ADGRL2: variants seen among roughly 807,000 people sequenced by gnomAD.
ADGRL2 encodes calcium-independent alpha-latrotoxin receptor 2.
Under a neutral mutation model 157.4 loss-of-function variants are expected in ADGRL2, and 44 were observed. That is an observed-to-expected ratio of 0.28 (90% CI 0.22 to 0.36). The LOEUF (loss-of-function observed/expected upper bound fraction) is 0.36. ADGRL2 is among the 10% of genes least tolerant of loss of function. The pLI, the probability that ADGRL2 is intolerant of heterozygous loss-of-function variation, is 1.00. For missense variants in ADGRL2, 1,510 were observed against 1,768.9 expected, an observed-to-expected ratio of 0.85 and a Z score of 2.63; for synonymous variants, 585 against 624.7, an observed-to-expected ratio of 0.94 and a Z score of 0.95.
At chr1:81,533,803 T>A (rs2079664429) in intron 2 of ADGRL2, among the ~76,000 whole-genome samples, 1 of 152,172 alleles carries the variant, frequency 6.6e-6, no homozygotes, top group African/African-American at 2.4e-5. Flanking sequence ...ACCCACACCC[T>A]CACACTAGGA....
intron 1 of ADGRL2, among the ~76,000 whole-genome samples, chr1:81,743,339 T>C (rs1571033479): frequency 6.7e-6 from 1 of 148,760 alleles, no homozygotes; most frequent in Non-Finnish European, 1.5e-5. Flanking sequence ...TTGGCATGTA[T>C]AAAAATAGGG....
chr1:81,610,916 T>A (rs1371212981), intron 3 of ADGRL2, among the ~76,000 whole-genome samples: 1 of 152,198 alleles, frequency 6.6e-6, no homozygotes, highest in African/African-American at 2.4e-5. Context: ...GGGAAATACA[T>A]ACTTTTGGTG....
chr1:81,587,061 G>C (rs4341398), intron 3 of ADGRL2, among the ~76,000 whole-genome samples: 109,155 of 151,736 alleles, frequency 0.72, 39,502 homozygotes, highest in African/African-American at 0.77. Flanking sequence ...GGAGCAAGGA[G>C]AGAACCAATC....
intron 2 of ADGRL2, among the ~76,000 whole-genome samples, chr1:81,456,550 C>G (rs915603113): frequency 2.0e-5 from 3 of 152,014 alleles, no homozygotes; most frequent in South Asian, 2.1e-4. Flanking sequence ...ACTTTTTATT[C>G]AAGTCATTAT....
At chr1:81,669,658 C>T (rs1473653425) in intron 3 of ADGRL2, among the ~76,000 whole-genome samples, 3 of 152,016 alleles carry the variant, frequency 2.0e-5, no homozygotes, top group African/African-American at 7.2e-5. Context: ...AAAGAGGACA[C>T]CTGGCTGGGT....
chr1:81,526,819 AT>A (rs2079469607), intron 2 of ADGRL2, among the ~76,000 whole-genome samples: 1 of 152,226 alleles, frequency 6.6e-6, no homozygotes, highest in African/African-American at 2.4e-5. Context: ...TAAATCAGAT[AT>A]TTTTGTCTGT....
intron 3 of ADGRL2, among the ~76,000 whole-genome samples, chr1:81,607,429 A>C (rs971319121): frequency 3.3e-5 from 5 of 152,180 alleles, no homozygotes; most frequent in Non-Finnish European, 5.9e-5. Flanking sequence ...TTACAATAGA[A>C]ATATCCAACC....
intron 3 of ADGRL2, among the ~76,000 whole-genome samples, chr1:81,598,143 G>A (rs1428100313): frequency 6.6e-6 from 1 of 152,170 alleles, no homozygotes; most frequent in African/African-American, 2.4e-5. Flanking sequence ...AGTCACAGAT[G>A]TTCAGAGTAA....
chr1:81,494,380 T>A (rs535443383), intron 2 of ADGRL2, among the ~76,000 whole-genome samples: 2 of 152,274 alleles, frequency 1.3e-5, no homozygotes, highest in African/African-American at 4.8e-5. Flanking sequence ...ATGAACAGTT[T>A]ATCTTGGAAT....
intron 17 of ADGRL2, among the ~76,000 whole-genome samples, chr1:81,973,262 C>T (rs1451540603): frequency 6.6e-6 from 1 of 152,056 alleles, no homozygotes; most frequent in African/African-American, 2.4e-5. Context: ...CCTGGGAAAA[C>T]TGATTTCTCA....
rs185139304 is a variant in ADGRL2, at chr1:81,905,373, C to G, written c.74-1644C>G. On this transcript the variant is annotated intron_variant, in intron 2 of 23. Transcript: ENST00000686636. ...TCAGCCTCCCAAAGTGCTGGGATTA[C>G]AAGCGTGAACCACAGCGCTAGACCT... 6.4e-4 allele frequency among the ~76,000 whole-genome samples: 98 copies of G among 152,274 alleles called. 2 individuals carry two copies. The highest frequency in any genetic ancestry group is 2.3e-3 in the African/African-American group (96 of 41,572).
At chr1:81,361,040 G>A (rs1461835646) in intron 1 of ADGRL2, among the ~76,000 whole-genome samples, 3 of 151,750 alleles carry the variant, frequency 2.0e-5, no homozygotes, top group Non-Finnish European at 3.0e-5. Context: ...CCCTAATCTT[G>A]CACTGTTGGG....
At chr1:81,519,190 T>C (rs1320880037) in intron 2 of ADGRL2, among the ~76,000 whole-genome samples, 1 of 152,214 alleles carries the variant, frequency 6.6e-6, no homozygotes, top group Non-Finnish European at 1.5e-5. Flanking sequence ...CATTGACATA[T>C]TTGGAAGCAA....
intron 1 of ADGRL2, among the ~76,000 whole-genome samples, chr1:81,337,427 G>A (rs1244394959): frequency 6.6e-6 from 1 of 152,090 alleles, no homozygotes; most frequent in Non-Finnish European, 1.5e-5. Context: ...CCCTGCACTC[G>A]CTCACCTTCG....
chr1:81,399,617 G>T (rs1424771667), intron 1 of ADGRL2, among the ~76,000 whole-genome samples: 2 of 151,980 alleles, frequency 1.3e-5, no homozygotes, highest in African/African-American at 4.8e-5. Flanking sequence ...TTCTTCAGCT[G>T]CACAATTTCT....
chr1:81,750,342 G>A (rs577158806), intron 1 of ADGRL2, among the ~76,000 whole-genome samples: 1 of 152,316 alleles, frequency 6.6e-6, no homozygotes, highest in South Asian at 2.1e-4. Flanking sequence ...TTACAGGTAG[G>A]ATGGTTGATC....
chr1:81,557,313 T>A lies in ADGRL2; in HGVS notation c.-247-23563T>A, dbSNP rs1404047645. ...TAACTCATTCCTTAGTTTTGAGACA[T>A]CCTCTTTGATAACCTGCTCTGGTTT... is the stretch of plus-strand genomic sequence containing the variant. On this transcript the variant is annotated intron_variant, in intron 2 of 24. Transcript: ENST00000370721. 11 of 197,114 alleles carry A rather than the reference T, an allele frequency of 5.6e-5. No individual in the cohort carries two copies. In the South Asian group the frequency reaches 8.2e-4, roughly 15 times the overall value. The allele number at this position is 197,114 out of a possible 1,614,324, so 12.2% of individuals were successfully genotyped here. A position where few individuals can be genotyped will look rare whatever the true frequency, so the allele number is the denominator to read the frequency against.
intron 1 of ADGRL2, among the ~76,000 whole-genome samples, chr1:81,442,192 A>G (rs188642004): frequency 6.6e-6 from 1 of 152,324 alleles, no homozygotes; most frequent in Admixed American, 6.5e-5. Context: ...CTTCATTTTC[A>G]AATATAAAGT....
chr1:81,445,785 G>C lies in ADGRL2; in HGVS notation c.-248+696G>C, dbSNP rs373976562. Among the ~76,000 whole-genome samples the C allele has an allele frequency of 6.2e-4, 94 of 152,240 alleles. 1 individual carries two copies. The highest frequency in any genetic ancestry group is 2.2e-3 in the African/African-American group (90 of 41,556). ...TGTCATTTACCAGCTATGTGGCTGT[G>C]GGCTCCACATTCTTATTTGCAAAAT... On this transcript the variant is annotated intron_variant, in intron 2 of 24. Coordinates refer to the ADGRL2 transcript ENST00000370721.
Sources: allele counts gnomAD v4.1 joint callset (sites outside exome capture counted in the v4.1 genomes callset), GRCh38; gene constraint gnomAD v4.1.1; transcripts MANE v1.5; gene names NCBI Gene and HGNC (gene_info 2026-07-23, HGNC 2026-07-21).